The following FAM83G variants were observed in gnomAD, a reference collection of about 807,000 sequenced individuals.
FAM83G encodes the protein scaffolding CK1 anchoring protein G, also known as protein FAM83G.
FAM83G carries 38 observed loss-of-function variants against 61.5 expected under a neutral mutation model. That is an observed-to-expected ratio of 0.62 (90% CI 0.48 to 0.81). The LOEUF (loss-of-function observed/expected upper bound fraction) is 0.81, where lower values mean the gene tolerates loss of function less well. Among genes scored for constraint, FAM83G ranks in the 30% least tolerant of loss-of-function variants. FAM83G has a pLI of 0.00. For missense variants in FAM83G, 989 were observed against 1,133.6 expected (o/e 0.87, Z 1.83); for synonymous variants, 470 against 476.1 (o/e 0.99, Z 0.17).
At chr17:18,994,680 CA>C (rs2043519781) in intron 2 of FAM83G, among the ~76,000 whole-genome samples, 2 of 152,146 alleles carry the variant, frequency 1.3e-5, no homozygotes, top group South Asian at 4.2e-4. Flanking sequence ...ACAGGTCCTG[CA>C]GGGGGTGTCC....
chr17:18,979,001 G>A, intron 4 of FAM83G, 151 bp from the exon 5 acceptor site: 6 of 842,160 alleles, frequency 7.1e-6, no homozygotes, highest in Non-Finnish European at 1.1e-5. Flanking sequence ...GCATACTGTG[G>A]GGTCAGACTG....
chr17:18,992,892 C>T (rs1324265580), intron 2 of FAM83G, among the ~76,000 whole-genome samples: 1 of 152,192 alleles, frequency 6.6e-6, no homozygotes, highest in Non-Finnish European at 1.5e-5. Context: ...TCCCTGCCTC[C>T]CCACACAGCT....
intron 5 of FAM83G, chr17:18,975,832 G>C (rs886257134): frequency 1.3e-5 from 2 of 152,130 alleles, no homozygotes; most frequent in African/African-American, 4.8e-5. Flanking sequence ...AAAACCATGG[G>C]AACAGTGTAC....
At position 18,978,636 on chromosome 17, in the gene FAM83G, G is replaced by A; in HGVS notation, c.1030C>T (p.Leu344Phe). 1.2e-6 allele frequency: 2 copies of A among 1,613,136 alleles called. No homozygotes were observed. The highest frequency in any genetic ancestry group is 1.1e-5 in the South Asian group (1 of 91,082). ...ACAAGTGCGTACTTGGGGTTGACGA[G>A]CTTCTTGGCCACAGTGCCCGCGGGC... ...LVPAGTVAKK[L>F]VNPKYALVKA... Residue 344 changes from leucine (L) to phenylalanine (F), a missense_variant, in exon 5 of 6, where the codon CTC becomes TTC. By Grantham distance (22) the Leu-to-Phe change is conservative (BLOSUM62 0). Coordinates refer to ENST00000388995, the MANE Select transcript of FAM83G (RefSeq NM_001039999.3).
At chr17:18,993,959 C>T (rs1356108147) in intron 2 of FAM83G, among the ~76,000 whole-genome samples, 4 of 152,230 alleles carry the variant, frequency 2.6e-5, no homozygotes, top group Non-Finnish European at 5.9e-5. Flanking sequence ...GGACCCTCCT[C>T]GTCCTCCCAC....
intron 2 of FAM83G, among the ~76,000 whole-genome samples, chr17:18,991,335 C>T (rs1476076205): frequency 2.6e-5 from 4 of 152,206 alleles, no homozygotes. Context: ...CCTCCTGGGC[C>T]CTTGGCTTCC....
At chr17:18,983,172 C>T (rs1000723558) in intron 3 of FAM83G, among the ~76,000 whole-genome samples, 1 of 152,236 alleles carries the variant, frequency 6.6e-6, no homozygotes, top group Admixed American at 6.5e-5. Context: ...CCCAGTAGCC[C>T]TGGGCTGGGC....
At chr17:19,005,046 G>A (rs1157880569), upstream of FAM83G, among the ~76,000 whole-genome samples, 1 of 152,210 alleles carries the variant, frequency 6.6e-6, no homozygotes, top group Non-Finnish European at 1.5e-5. Context: ...TGTGCCCCCA[G>A]GGTCTGTTGG....
At chr17:18,989,765 C>A (rs1283940829) in intron 2 of FAM83G, among the ~76,000 whole-genome samples, 2 of 152,252 alleles carry the variant, frequency 1.3e-5, no homozygotes, top group Non-Finnish European at 2.9e-5. Context: ...CTCTCACAGG[C>A]ACCATGGTGG....
At position 19,004,272 on chromosome 17, in the gene FAM83G, G is replaced by C. The variant is rs931248010; in HGVS notation, c.-128-103C>G. The C allele has an allele frequency of 3.5e-5, 18 of 515,196 alleles. No individual in the cohort carries two copies. The highest frequency in any genetic ancestry group is 8.3e-5 in the African/African-American group (4 of 48,288). 31.9% of individuals were successfully genotyped at this position (515,196 alleles called of 1,614,324 possible). A position where few individuals can be genotyped will look rare whatever the true frequency, so the allele number is the denominator to read the frequency against. On this transcript the variant is annotated intron_variant, in intron 1 of 5. Coordinates refer to ENST00000388995, the MANE Select transcript of FAM83G (RefSeq NM_001039999.3). This position sits in a 1 kb window ranked among gnomAD's most constrained non-coding sequence, Gnocchi z 5.4. ...GAACTCAGGTGGGCGTGGGAAGGAC[G>C]GGGCTGGGGCTGGGGCTGGGAAGAT...
chr17:18,985,054 C>G (rs2043235121), intron 3 of FAM83G, among the ~76,000 whole-genome samples: 1 of 152,174 alleles, frequency 6.6e-6, no homozygotes, highest in Non-Finnish European at 1.5e-5. Flanking sequence ...GCTCCAAGCT[C>G]AGGAGGAAGG....
Position 18,989,593 on chromosome 17 carries a change from A to G in FAM83G, c.523-1179T>C, listed in dbSNP as rs78601903. On this transcript the variant is annotated intron_variant, in intron 2 of 5. Coordinates refer to ENST00000388995, the MANE Select transcript of FAM83G (RefSeq NM_001039999.3). The stretch of plus-strand genomic sequence containing the variant: ...TTTTCTCATCAGTATAGCATGCTCC[A>G]TCTCTCAGGAGAATGGAGCACACCT... Among the ~76,000 whole-genome samples, 179 of 152,302 alleles carry G rather than the reference A, an allele frequency of 1.2e-3. 1 individual carries two copies. Among genetic ancestry groups the G allele is most frequent in the Middle Eastern group, 3.4e-3 (1 of 294 alleles).
At chr17:19,006,042 GTT>G (rs2043881103), upstream of FAM83G, among the ~76,000 whole-genome samples, 1 of 152,198 alleles carries the variant, frequency 6.6e-6, no homozygotes, top group Admixed American at 6.5e-5. Context: ...AGGCTGGAGA[GTT>G]CAGGAAGGGA....
Position 19,003,627 on chromosome 17 carries a change from T to C in FAM83G, c.415A>G (p.Ile139Val). The C allele has an allele frequency of 6.2e-7, 1 of 1,612,278 alleles. No individual in the cohort carries two copies. The highest frequency in any genetic ancestry group is 8.5e-7 in the Non-Finnish European group (1 of 1,179,470). ...GCCCGGGTCACGCCGCGGTAGGCGA[T>C]GGTGTCGGGCCAGCCCAGGTCCAGC... is the stretch of plus-strand genomic sequence containing the variant. ...PQLDLGWPDT[I>V]AYRGVTRASV... The change falls in exon 2 of 6, where the codon ATC (isoleucine) becomes GTC (valine). Residue 139 changes from isoleucine to valine, a missense_variant. Ile to Val is a conservative substitution (Grantham distance 29, BLOSUM62 3). Coordinates refer to ENST00000388995, the MANE Select transcript of FAM83G (RefSeq NM_001039999.3). The surrounding 1 kb of genome is among the most constrained non-coding windows in gnomAD (Gnocchi z 4.5).
chr17:18,981,637 C>A (rs905906561), intron 3 of FAM83G, among the ~76,000 whole-genome samples: 1 of 152,190 alleles, frequency 6.6e-6, no homozygotes. Flanking sequence ...AGGCAAGCAA[C>A]CACAGAGGCA....
chr17:18,981,127 A>AG (rs1371279650), intron 3 of FAM83G, among the ~76,000 whole-genome samples: 1 of 152,194 alleles, frequency 6.6e-6, no homozygotes, highest in Non-Finnish European at 1.5e-5. Flanking sequence ...TGGGAGGTGA[A>AG]GGGGAGGCTG....
chr17:19,006,053 G>C (rs2043881404), upstream of FAM83G, among the ~76,000 whole-genome samples: 1 of 152,158 alleles, frequency 6.6e-6, no homozygotes, highest in Non-Finnish European at 1.5e-5. Context: ...TTCAGGAAGG[G>C]AGTCCAAGGC....
intron 3 of FAM83G, among the ~76,000 whole-genome samples, chr17:18,982,986 C>T (rs2043176823): frequency 6.6e-6 from 1 of 152,266 alleles, no homozygotes; most frequent in African/African-American, 2.4e-5. Flanking sequence ...GGGAAGGTGT[C>T]CAGCTCCCAG....
At chr17:18,995,425 T>C (rs1476546418) in intron 2 of FAM83G, among the ~76,000 whole-genome samples, 1 of 152,098 alleles carries the variant, frequency 6.6e-6, no homozygotes, top group Non-Finnish European at 1.5e-5. Flanking sequence ...GTAGAAACTG[T>C]CCAAAATGAC....
Sources: allele counts gnomAD v4.1 joint callset (sites outside exome capture counted in the v4.1 genomes callset), GRCh38; gene constraint gnomAD v4.1.1; non-coding constraint Gnocchi (gnomAD v3.1); transcripts MANE v1.5; gene names NCBI Gene and HGNC (gene_info 2026-07-23, HGNC 2026-07-21).